The following SLCO6A1 variants were observed in gnomAD, a reference collection of about 807,000 sequenced individuals.
SLCO6A1 encodes the protein solute carrier organic anion transporter family member 6A1.
SLCO6A1 carries 65 observed loss-of-function variants against 72.7 expected under a neutral mutation model. The observed-to-expected ratio is 0.89, with a 90% CI of 0.73 to 1.10. The LOEUF is 1.10. SLCO6A1 is among the 50% of genes least tolerant of loss of function. The pLI, the probability that SLCO6A1 is intolerant of heterozygous loss-of-function variation, is 0.00. For missense variants in SLCO6A1, 874 were observed against 872.6 expected, an observed-to-expected ratio of 1.00 and a Z score of -0.02; for synonymous variants, 314 against 298.2, an observed-to-expected ratio of 1.05 and a Z score of -0.55.
chr5:102,459,926 ATTG>A (rs1293288327), intron 4 of SLCO6A1, 149 bp from the exon 5 acceptor site: 11 of 602,496 alleles, frequency 1.8e-5, no homozygotes, highest in African/African-American at 3.9e-5. Flanking sequence ...ATTTGTTACT[ATTG>A]TTTGTTTTGT....
At chr5:102,459,587 T>C in intron 5 of SLCO6A1, 69 bp downstream of exon 5, 1 of 1,449,466 alleles carries the variant, frequency 6.9e-7, no homozygotes, top group South Asian at 1.5e-5. Context: ...ACAGTCATTC[T>C]ATGAGAATAA....
chr5:102,447,874 C>G (rs564950945), intron 6 of SLCO6A1, among the ~76,000 whole-genome samples: 9 of 152,176 alleles, frequency 5.9e-5, no homozygotes, highest in Non-Finnish European at 1.2e-4. Context: ...GCGTTTTGTT[C>G]AGTTCAGCTC....
intron 5 of SLCO6A1, 86 bp downstream of exon 5, chr5:102,459,570 A>C (rs1307992204): frequency 1.5e-6 from 2 of 1,377,288 alleles, no homozygotes; most frequent in East Asian, 5.2e-5. Flanking sequence ...TTTATTAAAA[A>C]TGTAATACAG....
chr5:102,411,211 T>G (rs1747958040), intron 9 of SLCO6A1, among the ~76,000 whole-genome samples: 1 of 151,900 alleles, frequency 6.6e-6, no homozygotes, highest in African/African-American at 2.4e-5. Flanking sequence ...GTTGGGATGA[T>G]GTAATATATA....
At chr5:102,375,037 A>T (rs956652094) in intron 12 of SLCO6A1, among the ~76,000 whole-genome samples, 3 of 152,126 alleles carry the variant, frequency 2.0e-5, no homozygotes, top group Admixed American at 6.6e-5. Context: ...TATTTTCTAT[A>T]TTGGATGGGG....
chr5:102,494,587 C>T (rs903353471), intron 1 of SLCO6A1, among the ~76,000 whole-genome samples: 4 of 152,066 alleles, frequency 2.6e-5, no homozygotes, highest in Non-Finnish European at 5.9e-5. Context: ...AGAAACAACC[C>T]AATTTATTAA....
At chr5:102,418,307 T>G (rs1748405403) in intron 8 of SLCO6A1, among the ~76,000 whole-genome samples, 1 of 152,118 alleles carries the variant, frequency 6.6e-6, no homozygotes, top group Non-Finnish European at 1.5e-5. Context: ...TGTGTTATGG[T>G]GTAATTTTTT....
At chr5:102,443,053 C>T (rs1011975283) in intron 6 of SLCO6A1, among the ~76,000 whole-genome samples, 1 of 152,044 alleles carries the variant, frequency 6.6e-6, no homozygotes, top group African/African-American at 2.4e-5. Flanking sequence ...AAAAATTAGC[C>T]GGGCGTAGTG....
At chr5:102,440,997 T>C (rs1003417786) in intron 6 of SLCO6A1, among the ~76,000 whole-genome samples, 21 of 152,294 alleles carry the variant, frequency 1.4e-4, no homozygotes, top group African/African-American at 5.1e-4. Flanking sequence ...GGGGGTAGAT[T>C]TTCTAAAAAT....
intron 6 of SLCO6A1, among the ~76,000 whole-genome samples, chr5:102,457,693 G>A (rs1313264660): frequency 2.6e-5 from 4 of 152,172 alleles, no homozygotes; most frequent in Non-Finnish European, 4.4e-5. Flanking sequence ...AGTCAATGTG[G>A]CGATTCCTCA....
intron 1 of SLCO6A1, among the ~76,000 whole-genome samples, chr5:102,485,294 A>AAATAAAT (rs201053882): frequency 1.6e-3 from 177 of 113,926 alleles, no homozygotes; most frequent in Middle Eastern, 4.1e-3. Context: ...ATAAATAAAT[A>AAATAAAT]AAATAAAATA....
chr5:102,388,261 T>C (rs1369515244), intron 12 of SLCO6A1, among the ~76,000 whole-genome samples: 1 of 152,202 alleles, frequency 6.6e-6, no homozygotes, highest in Non-Finnish European at 1.5e-5. Flanking sequence ...TTTAACTCAC[T>C]GACTCAAATA....
At chr5:102,423,403 G>A (rs1748714805) in intron 7 of SLCO6A1, among the ~76,000 whole-genome samples, 1 of 152,032 alleles carries the variant, frequency 6.6e-6, no homozygotes, top group Non-Finnish European at 1.5e-5. Context: ...GACACACATA[G>A]GCTCAAAATA....
chr5:102,383,418 G>A (rs1746234295), intron 12 of SLCO6A1, among the ~76,000 whole-genome samples: 2 of 151,516 alleles, frequency 1.3e-5, no homozygotes, highest in Non-Finnish European at 3.0e-5. Context: ...ATGATGCTAA[G>A]TTTTGTAAAT....
At chr5:102,467,032 T>A (rs1421191240) in intron 4 of SLCO6A1, among the ~76,000 whole-genome samples, 1 of 152,162 alleles carries the variant, frequency 6.6e-6, no homozygotes, top group South Asian at 2.1e-4. Flanking sequence ...CAGATCTCAA[T>A]CGTCAATTTT....
At position 102,419,862 on chromosome 5, in the gene SLCO6A1, G is replaced by A. The variant is rs1336099742; in HGVS notation, c.1436C>T (p.Pro479Leu). ...LVFIIFVRCNPVQFAGINEDY... is the reference protein window; with the variant it reads ...LVFIIFVRCNLVQFAGINEDY... ...TTCATTGATCCCAGCAAATTGCACT[G>A]GATTACAGCGTACAAAAATAATAAA... The change falls in exon 8 of 14, where the codon CCA (proline) becomes CTA (leucine). Residue 479 changes from proline to leucine, a missense_variant. Coordinates refer to ENST00000506729, the MANE Select transcript of SLCO6A1 (RefSeq NM_173488.5). 4 of 1,606,596 alleles carry A rather than the reference G, an allele frequency of 2.5e-6. No homozygotes were observed. In the South Asian group the frequency reaches 3.4e-5, roughly 14 times the overall value.
chr5:102,421,346 G>A (rs1182962828), intron 7 of SLCO6A1, among the ~76,000 whole-genome samples: 2 of 152,126 alleles, frequency 1.3e-5, no homozygotes, highest in Non-Finnish European at 2.9e-5. Flanking sequence ...CACTCCCATG[G>A]AGCCGAGAAA....
At position 102,498,832 on chromosome 5, in the gene SLCO6A1, C is replaced by T. The variant is rs1452532537; in HGVS notation, c.13G>A (p.Val5Ile). 1 of 1,609,306 alleles carries T rather than the reference C, an allele frequency of 6.2e-7. No homozygotes were observed. Among genetic ancestry groups the T allele is most frequent in the Non-Finnish European group, 8.5e-7 (1 of 1,178,582 alleles). MFVG[V>I]ARHSGSQDEV... ...TCCTGGCTCCCAGAGTGCCGGGCGA[C>T]GCCTACGAACATGGCTCACCCTGGG... Residue 5 changes from valine (V) to isoleucine (I), a missense_variant, in exon 1 of 14, where the codon GTC (valine) becomes ATC (isoleucine). Transcript: ENST00000506729.
At chr5:102,450,622 T>C (rs1750364248) in intron 6 of SLCO6A1, among the ~76,000 whole-genome samples, 1 of 152,242 alleles carries the variant, frequency 6.6e-6, no homozygotes, top group African/African-American at 2.4e-5. Context: ...TGGGGCAAGC[T>C]GATGCCTTTT....
Sources: allele counts gnomAD v4.1 joint callset (sites outside exome capture counted in the v4.1 genomes callset), GRCh38; gene constraint gnomAD v4.1.1; transcripts MANE v1.5; gene names NCBI Gene and HGNC (gene_info 2026-07-23, HGNC 2026-07-21).